The following KRT80 variants were observed in gnomAD, a reference collection of about 807,000 sequenced individuals.
KRT80 encodes the protein keratin, type II cytoskeletal 80.
In KRT80, 36 loss-of-function variants were observed where a neutral mutation model predicts 51.5. That is an observed-to-expected ratio of 0.70 (90% CI 0.54 to 0.92). The LOEUF (loss-of-function observed/expected upper bound fraction) is 0.92, where lower values mean the gene tolerates loss of function less well. Ranked by LOEUF, KRT80 falls within the 40% of genes least tolerant of loss-of-function variation. The pLI is 0.00. For missense variants in KRT80, 566 were observed against 591.7 expected (o/e 0.96, Z 0.45); for synonymous variants, 235 against 248.3 (o/e 0.95, Z 0.50).
Position 52,171,732 on chromosome 12 carries a change from G to T in KRT80, c.1179-19C>A. The T allele has an allele frequency of 7.0e-7, 1 of 1,433,520 alleles. No individual in the cohort carries two copies. The highest frequency in any genetic ancestry group is 9.6e-7 in the Non-Finnish European group (1 of 1,039,834). 88.8% of individuals were successfully genotyped at this position (1,433,520 alleles called of 1,614,324 possible). A position where few individuals can be genotyped will look rare whatever the true frequency, so the allele number is the denominator to read the frequency against. Reference sequence around the variant, plus strand: ...GTCCATCCTGGGGGTGGGGGACGGGGGGGTGGGAGAGGGATATGATGGGAT... The same window carrying T: ...GTCCATCCTGGGGGTGGGGGACGGGTGGGTGGGAGAGGGATATGATGGGAT... On this transcript the variant is annotated intron_variant, in intron 7 of 8. Coordinates refer to ENST00000394815, the MANE Select transcript of KRT80 (RefSeq NM_182507.3).
chr12:52,172,821 T>C (rs781276150), intron 6 of KRT80, among the ~76,000 whole-genome samples: 1 of 152,132 alleles, frequency 6.6e-6, no homozygotes, highest in Non-Finnish European at 1.5e-5. Flanking sequence ...CCAGCAGCCT[T>C]GACCAGATTA....
Position 52,171,422 on chromosome 12 carries a change from C to A in KRT80, c.1335G>T (p.Ser445=). The part of the protein sequence containing the change: ...KITEMSEKYF[S]QESEVSE ...CTTACTCTGAGACCTCCGACTCCTG[C>A]GAGAAGTACTTCTCTGACATTTCGG... The change falls in exon 9 of 9, where the codon TCG becomes TCT. Residue 445 remains serine (S), a synonymous_variant. Transcript: ENST00000394815. The A allele has an allele frequency of 3.1e-6, 5 of 1,605,716 alleles. No homozygotes were observed. Among genetic ancestry groups the A allele is most frequent in the Non-Finnish European group, 3.4e-6 (4 of 1,175,800 alleles).
Position 52,191,844 on chromosome 12 carries a change from G to A in KRT80, c.59C>T (p.Pro20Leu), listed in dbSNP as rs756525105. Reference sequence around the variant, plus strand: ...GGTTCCAGGCCGGGGGCTGCCCACCGGGGTCACCTCACAGCTGCTGAGGCT... The same window carrying A: ...GGTTCCAGGCCGGGGGCTGCCCACCAGGGTCACCTCACAGCTGCTGAGGCT... ...FSSLSSCEVT[P>L]VGSPRPGTSG... Residue 20 changes from proline (P) to leucine (L), a missense_variant, in exon 1 of 9, where the codon CCG (proline) becomes CTG (leucine). Physicochemically the swap from Pro to Leu is moderately conservative, Grantham distance 98. Transcript: ENST00000394815. The A allele has an allele frequency of 9.5e-6, 15 of 1,571,410 alleles. No individual in the cohort carries two copies. Among genetic ancestry groups the A allele is most frequent in the Admixed American group, 5.5e-5 (3 of 54,966 alleles).
chr12:52,173,306 C>G (rs2277387), intron 5 of KRT80, 143 bp from the exon 6 acceptor site: 288,672 of 1,139,278 alleles, frequency 0.25, 38,643 homozygotes, highest in Non-Finnish European at 0.27. Context: ...CTCAGCTCCC[C>G]CTTCCACCTC....
intron 4 of KRT80, among the ~76,000 whole-genome samples, chr12:52,175,254 G>A (rs1437284009): frequency 6.6e-6 from 1 of 152,102 alleles, no homozygotes; most frequent in Non-Finnish European, 1.5e-5. Context: ...TGAACACACT[G>A]GCTGTCTGCC....
At chr12:52,190,399 A>G (rs1941462544) in intron 1 of KRT80, among the ~76,000 whole-genome samples, 1 of 152,232 alleles carries the variant, frequency 6.6e-6, no homozygotes, top group African/African-American at 2.4e-5. Context: ...TGTGGCTTGA[A>G]TTTCATTGCA....
In KRT80 at chr12:52,178,128, A is replaced by C. The variant is rs189567123; in HGVS notation, c.666+2385T>G. ...TGTATGGAGAGAAAGGCAAACCTCC[A>C]ATTTCAACCCCATCTTGCTGCTTTC... On this transcript the variant is annotated intron_variant, in intron 4 of 8. Coordinates refer to ENST00000394815, the MANE Select transcript of KRT80 (RefSeq NM_182507.3). 1.9e-3 allele frequency among the ~76,000 whole-genome samples: 283 copies of C among 152,230 alleles called. 1 individual carries two copies. The highest frequency in any genetic ancestry group is 3.3e-3 in the Non-Finnish European group (224 of 68,006).
chr12:52,180,633 G>A lies in KRT80; in HGVS notation c.571-25C>T, dbSNP rs752883987. 3 of 1,532,788 alleles carry A rather than the reference G, an allele frequency of 2.0e-6. No individual in the cohort carries two copies. The South Asian group carries it at 3.9e-5, about 20-fold the overall frequency. The allele number at this position is 1,532,788 out of a possible 1,614,324, so 94.9% of individuals were successfully genotyped here. A position where few individuals can be genotyped will look rare whatever the true frequency, so the allele number is the denominator to read the frequency against. On this transcript the variant is annotated intron_variant, in intron 3 of 8. Coordinates refer to ENST00000394815, the MANE Select transcript of KRT80 (RefSeq NM_182507.3). ...CCTGGGGTTGGCAGCAGTGGTGAGT[G>A]GTGGGAGAGGGAATGGAGGGTCCCA...
intron 4 of KRT80, among the ~76,000 whole-genome samples, chr12:52,179,637 A>G (rs1305471630): frequency 2.0e-5 from 3 of 152,212 alleles, no homozygotes; most frequent in Non-Finnish European, 4.4e-5. Flanking sequence ...TCAGCAGATC[A>G]TAGGGCCATT....
At chr12:52,176,593 T>G (rs1423614006) in intron 4 of KRT80, among the ~76,000 whole-genome samples, 1 of 151,968 alleles carries the variant, frequency 6.6e-6, no homozygotes, top group Admixed American at 6.6e-5. Context: ...GCAATTCTCC[T>G]GCCTCAGCCT....
intron 1 of KRT80, among the ~76,000 whole-genome samples, chr12:52,190,331 G>C (rs978698071): frequency 6.6e-6 from 1 of 152,210 alleles, no homozygotes; most frequent in African/African-American, 2.4e-5. Context: ...TAGCCTTGCT[G>C]GTCCTCAGTT....
intron 2 of KRT80, among the ~76,000 whole-genome samples, chr12:52,184,235 G>A (rs939681938): frequency 1.3e-5 from 2 of 152,158 alleles, no homozygotes; most frequent in African/African-American, 4.8e-5. Context: ...GGGAGACCAA[G>A]GGTTCAGCCT....
Position 52,169,418 on chromosome 12 carries a change from T to A in KRT80, c.*1980A>T, listed in dbSNP as rs1721848244. On this transcript the variant is annotated 3_prime_UTR_variant, in exon 9 of 9. Coordinates refer to ENST00000394815, the MANE Select transcript of KRT80 (RefSeq NM_182507.3). The stretch of plus-strand genomic sequence containing the variant: ...TGGTCTGAAGATATAACTAAGTCCC[T>A]GGACTTTTTCTCCCTTAATTGGAGA... 1 of 152,616 alleles carries A rather than the reference T, an allele frequency of 6.6e-6. No individual in the cohort carries two copies. The allele number at this position is 152,616 out of a possible 1,614,324, so 9.5% of individuals were successfully genotyped here. A position where few individuals can be genotyped will look rare whatever the true frequency, so the allele number is the denominator to read the frequency against.
rs977603816 is a variant in KRT80, at chr12:52,173,721, G to A, written c.710C>T (p.Thr237Ile). The A allele has an allele frequency of 1.2e-6, 2 of 1,612,320 alleles. No homozygotes were observed. The highest frequency in any genetic ancestry group is 1.7e-6 in the Non-Finnish European group (2 of 1,180,014). ...GTGGCAGCGGCTGTCCATGCCGACG[G>A]TCACCGACACATCCTTCACCTGTGC... ...LAAQVKDVSVTVGMDSRCHID... is the reference protein window; with the variant it reads ...LAAQVKDVSVIVGMDSRCHID... Residue 237 changes from threonine to isoleucine, a missense_variant, in exon 5 of 9, where the codon ACC (threonine) becomes ATC (isoleucine). By Grantham distance (89) the Thr-to-Ile change is moderately conservative. Coordinates refer to ENST00000394815, the MANE Select transcript of KRT80 (RefSeq NM_182507.3).
chr12:52,173,009 G>A (rs375879657), intron 6 of KRT80, 29 bp downstream of exon 6: 94 of 1,587,932 alleles, frequency 5.9e-5, no homozygotes, highest in Non-Finnish European at 7.1e-5. Flanking sequence ...TCTCCTCCCC[G>A]CCCCCAGGCG....
chr12:52,180,361 A>G, intron 4 of KRT80, 152 bp downstream of exon 4: 1 of 491,656 alleles, frequency 2.0e-6, no homozygotes, highest in East Asian at 3.1e-5. Flanking sequence ...CATCACAGGA[A>G]GGGGTTTAGG....
chr12:52,173,383 GCATTGCTGATA>G (rs1333376023), intron 5 of KRT80, among the ~76,000 whole-genome samples: 2 of 152,086 alleles, frequency 1.3e-5, no homozygotes, highest in Non-Finnish European at 2.9e-5. Context: ...ATCTGGCCTA[GCATTGCTGATA>G]ACAGCACCAC....
Position 52,170,678 on chromosome 12 carries a change from T to G in KRT80, c.*720A>C, listed in dbSNP as rs918679793. ...CAAGAGCAGCTTCCGGAGAAGCTGC[T>G]GGGAGCTGGCTGGGGGCAGCCCATC... is the stretch of plus-strand genomic sequence containing the variant. On this transcript the variant is annotated 3_prime_UTR_variant, in exon 9 of 9. Coordinates refer to ENST00000394815, the MANE Select transcript of KRT80 (RefSeq NM_182507.3). 1 of 152,532 alleles carries G rather than the reference T, an allele frequency of 6.6e-6. No individual in the cohort carries two copies. The highest frequency in any genetic ancestry group is 1.5e-5 in the Non-Finnish European group (1 of 68,074). The allele number at this position is 152,532 out of a possible 1,614,324, so 9.4% of individuals were successfully genotyped here.
intron 1 of KRT80, among the ~76,000 whole-genome samples, chr12:52,188,688 C>A (rs1315283399): frequency 2.0e-5 from 3 of 152,250 alleles, no homozygotes; most frequent in Non-Finnish European, 4.4e-5. Context: ...CCCTCTGTCT[C>A]CATCCCTCTG....
Sources: gnomAD v4.1 joint callset for allele counts (sites outside exome capture counted in the v4.1 genomes callset) on GRCh38, gnomAD v4.1.1 for gene constraint, MANE v1.5 for transcripts, NCBI Gene and HGNC (gene_info 2026-07-23, HGNC 2026-07-21) for gene names.